OCA2: variants seen among roughly 807,000 people sequenced by gnomAD.
OCA2 encodes OCA2 melanosomal transmembrane protein, also known as P protein.
Under a neutral mutation model 100.2 loss-of-function variants are expected in OCA2, and 77 were observed. That is an observed-to-expected ratio of 0.77 (90% confidence interval 0.64 to 0.93). The LOEUF (loss-of-function observed/expected upper bound fraction) is 0.93, where lower values mean the gene tolerates loss of function less well. Among genes scored for constraint, OCA2 ranks in the 40% least tolerant of loss-of-function variants. OCA2 has a pLI of 0.00. For missense variants in OCA2, 1,062 were observed against 1,089.1 expected (o/e 0.98, Z 0.35); for synonymous variants, 432 against 439.2 (o/e 0.98, Z 0.21).
intron 17 of OCA2, among the ~76,000 whole-genome samples, chr15:27,953,639 G>C (rs967189272): frequency 3.3e-5 from 5 of 152,212 alleles, no homozygotes; most frequent in Admixed American, 2.0e-4. Flanking sequence ...GAGTAGGCAG[G>C]TCAAAGAGCA....
chr15:28,082,448 G>A (rs942104113), intron 1 of OCA2, among the ~76,000 whole-genome samples: 2 of 152,202 alleles, frequency 1.3e-5, no homozygotes, highest in African/African-American at 4.8e-5. Context: ...AAGTCAGTGA[G>A]AGCAAGAACC....
intron 23 of OCA2, among the ~76,000 whole-genome samples, chr15:27,836,203 G>A (rs924360302): frequency 6.6e-6 from 1 of 152,152 alleles, no homozygotes; most frequent in African/African-American, 2.4e-5. Context: ...AAGATTTTAC[G>A]TCGAGGTGCA....
chr15:27,804,252 G>A (rs1242343248), intron 23 of OCA2, among the ~76,000 whole-genome samples: 5 of 152,138 alleles, frequency 3.3e-5, no homozygotes, highest in Non-Finnish European at 7.4e-5. Context: ...AAACTGCGGC[G>A]TTCTACCCTT....
At chr15:28,051,330 T>A (rs2043506524) in intron 2 of OCA2, among the ~76,000 whole-genome samples, 1 of 152,210 alleles carries the variant, frequency 6.6e-6, no homozygotes, top group South Asian at 2.1e-4. Context: ...TTCACTCTTG[T>A]CACTCAGGCT....
intron 1 of OCA2, among the ~76,000 whole-genome samples, chr15:28,094,914 G>A (rs2044943809): frequency 2.0e-5 from 3 of 152,350 alleles, no homozygotes; most frequent in East Asian, 1.9e-4. Flanking sequence ...CCAGGGCGCG[G>A]CGCCGGGCGT....
intron 19 of OCA2, among the ~76,000 whole-genome samples, chr15:27,879,919 CTA>C (rs2036946865): frequency 1.3e-5 from 2 of 152,216 alleles, no homozygotes; most frequent in East Asian, 1.9e-4. Flanking sequence ...GTCATGAAAT[CTA>C]TGTTTGTGCC....
intron 18 of OCA2, among the ~76,000 whole-genome samples, chr15:27,941,839 G>C (rs2594938): frequency 0.34 from 51,668 of 152,068 alleles, 11,230 homozygotes; most frequent in African/African-American, 0.6. Context: ...CAAACAGATG[G>C]AAAAAACAAG....
intron 21 of OCA2, among the ~76,000 whole-genome samples, chr15:27,862,551 T>G (rs990818842): frequency 6.6e-6 from 1 of 151,414 alleles, no homozygotes; most frequent in Non-Finnish European, 1.5e-5. Flanking sequence ...CTCGGCTCAC[T>G]GCAACCTCCG....
At chr15:28,005,225 G>T (rs929901872) in intron 9 of OCA2, among the ~76,000 whole-genome samples, 1 of 152,062 alleles carries the variant, frequency 6.6e-6, no homozygotes. Flanking sequence ...GGAAATGGCT[G>T]TGATTCCACA....
chr15:28,051,313 A>C (rs923087371), intron 2 of OCA2, among the ~76,000 whole-genome samples: 2 of 152,014 alleles, frequency 1.3e-5, no homozygotes, highest in South Asian at 4.2e-4. Context: ...TTGTTTTTTG[A>C]GACAGTTTCA....
At chr15:27,913,838 G>GAAAGAAA (rs1555430803) in intron 19 of OCA2, among the ~76,000 whole-genome samples, 1 of 37,062 alleles carries the variant, frequency 2.7e-5, no homozygotes, top group Admixed American at 3.9e-4. Context: ...AAGAAAGAAA[G>GAAAGAAA]GAAAGAAAGA....
intron 23 of OCA2, among the ~76,000 whole-genome samples, chr15:27,800,514 C>T (rs1010018465): frequency 3.3e-5 from 5 of 152,070 alleles, no homozygotes; most frequent in African/African-American, 9.7e-5. Context: ...GGCAGTACTA[C>T]AGATTATACA....
chr15:27,798,545 G>T (rs1238234536), intron 23 of OCA2, among the ~76,000 whole-genome samples: 3 of 152,160 alleles, frequency 2.0e-5, no homozygotes, highest in African/African-American at 4.8e-5. Context: ...AGGAAGAAGG[G>T]GTTATGAAAT....
At chr15:28,020,649 A>G (rs1289109632) in intron 6 of OCA2, among the ~76,000 whole-genome samples, 1 of 152,006 alleles carries the variant, frequency 6.6e-6, no homozygotes, top group Non-Finnish European at 1.5e-5. Flanking sequence ...GTCTGTCAAC[A>G]TCACACAGCT....
intron 19 of OCA2, among the ~76,000 whole-genome samples, chr15:27,878,523 A>C (rs75970850): frequency 0.016 from 2,399 of 152,286 alleles, 57 homozygotes; most frequent in African/African-American, 0.051. Context: ...GCACTTAAAG[A>C]AGGTGCTCCA....
intron 23 of OCA2, among the ~76,000 whole-genome samples, chr15:27,770,538 C>G (rs1219766113): frequency 6.6e-6 from 1 of 152,172 alleles, no homozygotes; most frequent in Non-Finnish European, 1.5e-5. Context: ...GCCCTTCCTT[C>G]CTCCCTCGCC....
intron 18 of OCA2, among the ~76,000 whole-genome samples, chr15:27,928,954 C>G (rs1242933783): frequency 3.9e-5 from 6 of 152,180 alleles, no homozygotes; most frequent in Admixed American, 3.9e-4. Context: ...ATATCAGGGA[C>G]TACAGGGTGG....
chr15:28,067,671 T>C (rs2044067014), intron 2 of OCA2, among the ~76,000 whole-genome samples: 1 of 152,240 alleles, frequency 6.6e-6, no homozygotes, highest in South Asian at 2.1e-4. Context: ...TATTTATTTC[T>C]ATTTTCATTG....
chr15:27,812,695 C>T (rs2034126653), intron 23 of OCA2, among the ~76,000 whole-genome samples: 1 of 152,052 alleles, frequency 6.6e-6, no homozygotes, highest in African/African-American at 2.4e-5. Context: ...TATCCAATTG[C>T]AAAAGGAAAC....
Sources: allele counts gnomAD v4.1 joint callset (sites outside exome capture counted in the v4.1 genomes callset), GRCh38; gene constraint gnomAD v4.1.1; transcripts MANE v1.5; gene names NCBI Gene and HGNC (gene_info 2026-07-23, HGNC 2026-07-21).